ATRIP: variants seen among roughly 807,000 people sequenced by gnomAD.
ATRIP encodes the protein ATR interacting protein, also known as ATR-interacting protein.
ATRIP carries 44 observed loss-of-function variants against 78.1 expected under a neutral mutation model. The observed-to-expected ratio is 0.56, with a 90% CI of 0.44 to 0.72. ATRIP has a LOEUF of 0.72. ATRIP is among the 30% of genes least tolerant of loss of function. The probability of loss-of-function intolerance (pLI) is 0.00; values close to 1 mark genes in which losing one functional copy is unlikely to be tolerated. For missense variants in ATRIP, 927 were observed against 980.2 expected (o/e 0.95, Z 0.72); for synonymous variants, 388 against 408.9 (o/e 0.95, Z 0.62).
At chr3:48,457,582 G>A (rs1042514478) in intron 5 of ATRIP, among the ~76,000 whole-genome samples, 166 bp downstream of exon 5, 2 of 152,244 alleles carry the variant, frequency 1.3e-5, no homozygotes, top group Non-Finnish European at 2.9e-5. Context: ...TCTTAAGCTG[G>A]AGGATCTATT....
Position 48,464,620 on chromosome 3 carries a change from C to T in ATRIP, c.2013C>T (p.Pro671=). The part of the protein sequence containing the change: ...WLLAKLGVQS[P]LPPVTGSNCQ... ...TGGCTAAGCTTGGTGTGCAGAGCCC[C>T]TTGCCCCCAGTCACTGGCTCCAACT... is the stretch of plus-strand genomic sequence containing the variant. Residue 671 remains proline, a synonymous_variant, in exon 11 of 13, where the codon CCC becomes CCT. Transcript: ENST00000320211. The T allele has an allele frequency of 6.2e-7, 1 of 1,614,180 alleles. No homozygotes were observed. The highest frequency in any genetic ancestry group is 1.1e-5 in the South Asian group (1 of 91,080).
In ATRIP at chr3:48,466,268, T is replaced by C. The variant is rs3135941; in HGVS notation, c.*714T>C. 103,452 of 618,612 alleles carry C rather than the reference T, an allele frequency of 0.17. 9,760 individuals are homozygous for C. Among genetic ancestry groups the C allele is most frequent in the South Asian group, 0.2 (10,682 of 52,554 alleles). The allele number at this position is 618,612 out of a possible 1,614,324, so 38.3% of individuals were successfully genotyped here. ...GCTGCCAGCGAGAGCCGCGGGAGAG[T>C]GTGCAGCCGAGTCACTACTGCCTGC... On this transcript the variant is annotated 3_prime_UTR_variant, in exon 13 of 13. Coordinates refer to ENST00000320211, the MANE Select transcript of ATRIP (RefSeq NM_130384.3).
At chr3:48,449,427 A>AAT (rs2039773605) in intron 1 of ATRIP, among the ~76,000 whole-genome samples, 2 of 150,440 alleles carry the variant, frequency 1.3e-5, no homozygotes, top group South Asian at 2.1e-4. Context: ...AAAAAAAAAA[A>AAT]AAAAAAAGAA....
Position 48,464,121 on chromosome 3 carries a change from C to T in ATRIP, c.1963C>T (p.Leu655=). 6.2e-7 allele frequency: 1 copy of T among 1,613,140 alleles called. No homozygotes were observed. The highest frequency in any genetic ancestry group is 8.5e-7 in the Non-Finnish European group (1 of 1,179,382). ...RVALETQWLQ[L]EQEVVWLLAK... ...GGCCTTGGAGACACAATGGCTCCAG[C>T]TGGAACAAGAGGTAAAAACTCCAGA... is the stretch of plus-strand genomic sequence containing the variant. The change falls in exon 10 of 13, where the codon CTG becomes TTG. Residue 655 remains leucine, a synonymous_variant. Coordinates refer to ENST00000320211, the MANE Select transcript of ATRIP (RefSeq NM_130384.3).
At chr3:48,448,154 G>T (rs976062774) in intron 1 of ATRIP, among the ~76,000 whole-genome samples, 6 of 141,940 alleles carry the variant, frequency 4.2e-5, no homozygotes, top group Non-Finnish European at 7.5e-5. Context: ...AGATATACGT[G>T]AACACCCTTT....
intron 1 of ATRIP, among the ~76,000 whole-genome samples, chr3:48,448,474 C>G (rs976545500): frequency 6.6e-6 from 1 of 152,226 alleles, no homozygotes; most frequent in African/African-American, 2.4e-5. Flanking sequence ...GCCATCCGCA[C>G]CCAGCCATGA....
In ATRIP at chr3:48,466,147, G is replaced by C. The variant is rs1028346204; in HGVS notation, c.*593G>C. 2.2e-6 allele frequency: 1 copy of C among 458,432 alleles called. No homozygotes were observed. The allele number at this position is 458,432 out of a possible 1,614,324, so 28.4% of individuals were successfully genotyped here. A position where few individuals can be genotyped will look rare whatever the true frequency, so the allele number is the denominator to read the frequency against. On this transcript the variant is annotated 3_prime_UTR_variant, in exon 13 of 13. Transcript: ENST00000320211. The stretch of plus-strand genomic sequence containing the variant: ...GTGGGTGTGGGGGGGAACGGATGGT[G>C]GTGAGAGGGACAGACCAGGCAGGCT...
intron 9 of ATRIP, 52 bp from the exon 10 acceptor site, chr3:48,463,989 C>A: frequency 5.0e-6 from 8 of 1,603,028 alleles, no homozygotes; most frequent in Non-Finnish European, 6.8e-6. Flanking sequence ...ATGTAGCCCA[C>A]GCTCTTTATG....
At chr3:48,464,011 C>A (rs1278237285) in intron 9 of ATRIP, 30 bp from the exon 10 acceptor site, 3 of 1,609,478 alleles carry the variant, frequency 1.9e-6, no homozygotes, top group Admixed American at 1.7e-5. Flanking sequence ...GAAAGGGCAC[C>A]CTGAGTGAGA....
chr3:48,446,808 AGC>A lies in ATRIP; in HGVS notation c.-37_-36del. The A allele has an allele frequency of 7.3e-7, 1 of 1,375,912 alleles. No homozygotes were observed. Among genetic ancestry groups the A allele is most frequent in the Non-Finnish European group, 9.4e-7 (1 of 1,063,464 alleles). The allele number at this position is 1,375,912 out of a possible 1,614,324, so 85.2% of individuals were successfully genotyped here. A position where few individuals can be genotyped will look rare whatever the true frequency, so the allele number is the denominator to read the frequency against. ...CTCCGGCCTGGCGGCAGGCAAGTCT[AGC>A]TCGGCGCTGTCGGATACTTGGGGTG... is the stretch of plus-strand genomic sequence containing the variant. On this transcript the variant is annotated 5_prime_UTR_variant, in exon 1 of 13. Transcript: ENST00000320211.
intron 2 of ATRIP, chr3:48,450,589 A>ATT (rs756559976): frequency 0.011 from 10,453 of 972,026 alleles, no homozygotes; most frequent in East Asian, 0.014. Flanking sequence ...TGTGACCCAG[A>ATT]TTTTTTTTTT....
chr3:48,465,987 G>A lies in ATRIP; in HGVS notation c.*433G>A, dbSNP rs1018047172. The A allele has an allele frequency of 1.0e-5, 3 of 296,136 alleles. No homozygotes were observed. The highest frequency in any genetic ancestry group is 2.2e-5 in the African/African-American group (1 of 46,048). The allele number at this position is 296,136 out of a possible 1,614,324, so 18.3% of individuals were successfully genotyped here. A position where few individuals can be genotyped will look rare whatever the true frequency, so the allele number is the denominator to read the frequency against. ...GGGGCTCCCAGCAGTGTGTAAGACC[G>A]GGAGCTGGTCTGGCACCACTGCCCT... On this transcript the variant is annotated 3_prime_UTR_variant, in exon 13 of 13. Transcript: ENST00000320211.
rs2040279536 is a variant in ATRIP, at chr3:48,466,053, G to A, written c.*499G>A. 1 of 335,610 alleles carries A rather than the reference G, an allele frequency of 3.0e-6. No individual in the cohort carries two copies. The highest frequency in any genetic ancestry group is 5.8e-6 in the Non-Finnish European group (1 of 173,144). The allele number at this position is 335,610 out of a possible 1,614,324, so 20.8% of individuals were successfully genotyped here. On this transcript the variant is annotated 3_prime_UTR_variant, in exon 13 of 13. Transcript: ENST00000320211. The stretch of plus-strand genomic sequence containing the variant: ...CTGTCACTGGTATGATGGCCCCGGT[G>A]CATTGTGCCACCAGCAGGCCACAGC...
Position 48,466,919 on chromosome 3 carries a change from C to T in ATRIP, c.*1365C>T. On this transcript the variant is annotated 3_prime_UTR_variant, in exon 13 of 13. Coordinates refer to ENST00000320211, the MANE Select transcript of ATRIP (RefSeq NM_130384.3). ...CAGCCAGCGAGATCACAGGTCTGAG[C>T]ACAGCTGTGCTGGCAGCGCATGGGC... The T allele has an allele frequency of 6.2e-7, 1 of 1,611,644 alleles. No individual in the cohort carries two copies. The highest frequency in any genetic ancestry group is 8.5e-7 in the Non-Finnish European group (1 of 1,180,022).
chr3:48,458,507 G>A (rs71323400), intron 5 of ATRIP, among the ~76,000 whole-genome samples: 1 of 151,950 alleles, frequency 6.6e-6, no homozygotes, highest in South Asian at 2.1e-4. Context: ...ATTTTTAGTA[G>A]AGACAGGTTT....
intron 3 of ATRIP, among the ~76,000 whole-genome samples, chr3:48,453,992 T>C (rs1366152165): frequency 6.6e-6 from 1 of 152,140 alleles, no homozygotes; most frequent in Non-Finnish European, 1.5e-5. Context: ...ACTCCTGGGC[T>C]CAAATGATCC....
rs371133192 is a variant in ATRIP, at chr3:48,450,187, G to A, written c.381+17G>A. On this transcript the variant is annotated intron_variant, in intron 2 of 12. Transcript: ENST00000320211. ...AAAGAAAAGGTAAGTGACTTAACTT[G>A]TGGTTTTTGTAGCTAATTCATTCAC... The A allele has an allele frequency of 1.2e-6, 2 of 1,600,156 alleles. No individual in the cohort carries two copies. Among genetic ancestry groups the A allele is most frequent in the East Asian group, 2.2e-5 (1 of 44,744 alleles).
rs987398769 is a variant in ATRIP at position 48,465,979 on chromosome 3, G to A, written c.*425G>A. 6.6e-6 allele frequency: 2 copies of A among 301,564 alleles called. No homozygotes were observed. The highest frequency in any genetic ancestry group is 4.3e-5 in the African/African-American group (2 of 46,178). 18.7% of individuals were successfully genotyped at this position (301,564 alleles called of 1,614,324 possible). On this transcript the variant is annotated 3_prime_UTR_variant, in exon 13 of 13. Transcript: ENST00000320211. ...CCGCAGCAGGGGCTCCCAGCAGTGT[G>A]TAAGACCGGGAGCTGGTCTGGCACC...
At chr3:48,456,872 A>C (rs1010666823) in intron 4 of ATRIP, among the ~76,000 whole-genome samples, 1 of 152,210 alleles carries the variant, frequency 6.6e-6, no homozygotes, top group African/African-American at 2.4e-5. Context: ...GAAAAATATA[A>C]AAATGAGTAA....
Sources: gnomAD v4.1 joint callset for allele counts (sites outside exome capture counted in the v4.1 genomes callset) on GRCh38, gnomAD v4.1.1 for gene constraint, MANE v1.5 for transcripts, NCBI Gene and HGNC (gene_info 2026-07-23, HGNC 2026-07-21) for gene names.